The following NBAS variants were observed in gnomAD, a reference collection of about 807,000 sequenced individuals.
NBAS encodes the protein NBAS subunit of NRZ tethering complex.
In NBAS, 219 loss-of-function variants were observed where a neutral mutation model predicts 302.5. The observed-to-expected ratio is 0.72, with a 90% CI of 0.65 to 0.81. The LOEUF is 0.81. Among genes scored for constraint, NBAS ranks in the 30% least tolerant of loss-of-function variants. The probability of loss-of-function intolerance (pLI) is 0.00; values close to 1 mark genes in which losing one functional copy is unlikely to be tolerated. For missense variants in NBAS, 2,932 were observed against 2,841.6 expected, an observed-to-expected ratio of 1.03 and a Z score of -0.72; for synonymous variants, 1,118 against 1,021.6, an observed-to-expected ratio of 1.09 and a Z score of -1.80.
chr2:15,403,608 T>C (rs1203699378), intron 25 of NBAS, among the ~76,000 whole-genome samples: 1 of 152,130 alleles, frequency 6.6e-6, no homozygotes, highest in Non-Finnish European at 1.5e-5. Context: ...TACTACACCA[T>C]TGTGTATCAG....
the NBAS span, among the ~76,000 whole-genome samples, chr2:14,943,096 C>T: frequency 3.3e-5 from 5 of 152,324 alleles, no homozygotes; most frequent in African/African-American, 9.6e-5. Context: ...ATTCCCCAGG[C>T]TTTTGCCCTC....
the NBAS span, among the ~76,000 whole-genome samples, chr2:14,779,667 C>T: frequency 1.3e-4 from 20 of 152,266 alleles, no homozygotes; most frequent in East Asian, 2.7e-3. Context: ...AAATAACACC[C>T]CTGCCACCCT....
At chr2:15,520,372 C>T (rs1662605953) in intron 9 of NBAS, among the ~76,000 whole-genome samples, 1 of 152,112 alleles carries the variant, frequency 6.6e-6, no homozygotes, top group African/African-American at 2.4e-5. Flanking sequence ...CATCACTGCA[C>T]TCAAATATGA....
chr2:15,420,568 G>GAATAA (rs1677162639), intron 23 of NBAS, among the ~76,000 whole-genome samples: 1 of 152,148 alleles, frequency 6.6e-6, no homozygotes, highest in Non-Finnish European at 1.5e-5. Flanking sequence ...ATGCAGTAAA[G>GAATAA]AAGGAGAGGT....
intron 31 of NBAS, 124 bp downstream of exon 31, chr2:15,374,484 C>T (rs143262363): frequency 1.1e-4 from 87 of 807,676 alleles, no homozygotes; most frequent in African/African-American, 9.3e-4. Flanking sequence ...GGGTCAAGGG[C>T]AGGATCTATT....
chr2:15,051,495 A>G, the NBAS span, among the ~76,000 whole-genome samples: 1 of 152,244 alleles, frequency 6.6e-6, no homozygotes, highest in Admixed American at 6.5e-5. Flanking sequence ...ACCTTGGAGC[A>G]GGAGACCTAA....
chr2:15,210,960 G>A (rs960307783), intron 48 of NBAS, among the ~76,000 whole-genome samples: 2 of 152,194 alleles, frequency 1.3e-5, no homozygotes, highest in South Asian at 2.1e-4. Context: ...TAGAAGGATG[G>A]TAATCAGAAG....
chr2:15,348,945 G>A (rs188277072), intron 35 of NBAS, among the ~76,000 whole-genome samples: 1 of 152,144 alleles, frequency 6.6e-6, no homozygotes, highest in Non-Finnish European at 1.5e-5. Context: ...GCAATTAAAG[G>A]ACTCAAGGAA....
At chr2:15,552,673 TA>T (rs1664434962) in intron 5 of NBAS, among the ~76,000 whole-genome samples, 2 of 152,200 alleles carry the variant, frequency 1.3e-5, no homozygotes, top group South Asian at 4.1e-4. Flanking sequence ...GTGTATATAA[TA>T]CCACTGAATG....
At chr2:14,946,616 C>T in the NBAS span, among the ~76,000 whole-genome samples, 3 of 152,256 alleles carry the variant, frequency 2.0e-5, no homozygotes, top group East Asian at 3.9e-4. Context: ...ACCCCACTCT[C>T]AGTAATGGAC....
intron 40 of NBAS, among the ~76,000 whole-genome samples, chr2:15,305,931 G>A (rs747230584): frequency 6.6e-6 from 1 of 152,170 alleles, no homozygotes; most frequent in African/African-American, 2.4e-5. Context: ...TCCACTTAGA[G>A]ACCTCAGTAA....
chr2:15,166,687 G>T (rs189637729), downstream of NBAS, among the ~76,000 whole-genome samples: 37 of 152,126 alleles, frequency 2.4e-4, no homozygotes, highest in Admixed American at 1.6e-3. Flanking sequence ...TGCCTTGACC[G>T]CCAGGCATTC....
At chr2:15,328,703 CT>C (rs1475688360) in intron 36 of NBAS, among the ~76,000 whole-genome samples, 1 of 152,184 alleles carries the variant, frequency 6.6e-6, no homozygotes, top group African/African-American at 2.4e-5. Context: ...CTTAAAAATC[CT>C]TTAGTAGCTC....
the NBAS span, among the ~76,000 whole-genome samples, chr2:15,140,097 C>T: frequency 1.3e-5 from 2 of 152,196 alleles, no homozygotes; most frequent in African/African-American, 4.8e-5. Context: ...TGGAACACAA[C>T]CACCATGTTG....
At chr2:15,302,659 T>C (rs1017375526) in intron 40 of NBAS, among the ~76,000 whole-genome samples, 5 of 152,140 alleles carry the variant, frequency 3.3e-5, no homozygotes, top group Non-Finnish European at 5.9e-5. Flanking sequence ...TTGATAGATG[T>C]GATGGTTAAT....
chr2:15,255,359 T>A (rs2147999184), intron 44 of NBAS, among the ~76,000 whole-genome samples: 1 of 152,330 alleles, frequency 6.6e-6, no homozygotes, highest in African/African-American at 2.4e-5. Flanking sequence ...CACTGGTGTA[T>A]CTCCTTTTGA....
chr2:15,014,321 A>T, the NBAS span, among the ~76,000 whole-genome samples: 43 of 152,264 alleles, frequency 2.8e-4, no homozygotes, highest in East Asian at 6.2e-3. Flanking sequence ...AGAATATTGC[A>T]CCCACCAGCT....
At chr2:14,912,276 C>T in the NBAS span, among the ~76,000 whole-genome samples, 2 of 152,090 alleles carry the variant, frequency 1.3e-5, no homozygotes, top group African/African-American at 2.4e-5. Flanking sequence ...TAGAAAGGTG[C>T]CTGTCCATAG....
chr2:15,329,208 G>A (rs1336995032), intron 36 of NBAS, among the ~76,000 whole-genome samples: 1 of 152,198 alleles, frequency 6.6e-6, no homozygotes, highest in African/African-American at 2.4e-5. Flanking sequence ...GCCAAGCATA[G>A]TCTAGGGAAA....
Sources: gnomAD v4.1 joint callset for allele counts (sites outside exome capture counted in the v4.1 genomes callset) on GRCh38, gnomAD v4.1.1 for gene constraint, MANE v1.5 for transcripts, NCBI Gene and HGNC (gene_info 2026-07-23, HGNC 2026-07-21) for gene names.